The following PRUNE1 variants were observed in gnomAD, a reference collection of about 807,000 sequenced individuals.
PRUNE1 encodes exopolyphosphatase PRUNE1.
In PRUNE1, 25 loss-of-function variants were observed where a neutral mutation model predicts 42.5. The observed-to-expected ratio is 0.59, with a 90% CI of 0.43 to 0.82. PRUNE1 has a LOEUF of 0.82. PRUNE1 is among the 40% of genes least tolerant of loss of function. The pLI, the probability that PRUNE1 is intolerant of heterozygous loss-of-function variation, is 0.00. For missense variants in PRUNE1, 443 were observed against 539.3 expected, an observed-to-expected ratio of 0.82 and a Z score of 1.77; for synonymous variants, 203 against 217.1, an observed-to-expected ratio of 0.93 and a Z score of 0.57.
At chr1:151,010,867 G>A (rs1335608928) in intron 1 of PRUNE1, among the ~76,000 whole-genome samples, 1 of 152,014 alleles carries the variant, frequency 6.6e-6, no homozygotes, top group African/African-American at 2.4e-5. Flanking sequence ...TGTTGGACAG[G>A]CTGGTCTTGA....
intron 6 of PRUNE1, among the ~76,000 whole-genome samples, chr1:151,027,773 TGTGTGTGTGCGC>T (rs1166914642): frequency 2.1e-5 from 3 of 139,646 alleles, no homozygotes; most frequent in African/African-American, 3.2e-5. Context: ...TGTGTGTGTG[TGTGTGTGTGCGC>T]GCGCGTGTAT....
chr1:151,025,823 C>T, intron 5 of PRUNE1, 150 bp downstream of exon 5: 1 of 714,520 alleles, frequency 1.4e-6, no homozygotes, highest in South Asian at 2.2e-5. Flanking sequence ...ACACTGCAAC[C>T]TCGACCTCCT....
intron 1 of PRUNE1, 35 bp downstream of exon 1, chr1:151,008,706 A>C: frequency 1.9e-6 from 3 of 1,611,316 alleles, no homozygotes; most frequent in South Asian, 1.1e-5. Context: ...TAAGGAATGG[A>C]GCACGGGGTC....
At chr1:151,030,770 G>C (rs1001316016) in intron 7 of PRUNE1, among the ~76,000 whole-genome samples, 6 of 152,160 alleles carry the variant, frequency 3.9e-5, no homozygotes, top group African/African-American at 1.2e-4. Context: ...ACAAGCCTGA[G>C]CCACTGCACC....
intron 5 of PRUNE1, among the ~76,000 whole-genome samples, chr1:151,027,025 A>G (rs1377714242): frequency 6.6e-6 from 1 of 151,836 alleles, no homozygotes; most frequent in Non-Finnish European, 1.5e-5. Flanking sequence ...ACCTCAGGTG[A>G]TCCGCCCACC....
intron 1 of PRUNE1, chr1:151,008,892 C>T (rs933973507): frequency 1.4e-6 from 1 of 694,266 alleles, no homozygotes; most frequent in African/African-American, 1.8e-5. Flanking sequence ...GTTTTTGGCT[C>T]CCCGCCTTTG....
chr1:151,014,531 G>A (rs1673981426), intron 1 of PRUNE1, among the ~76,000 whole-genome samples: 1 of 152,332 alleles, frequency 6.6e-6, no homozygotes, highest in African/African-American at 2.4e-5. Context: ...TTTCCAGTGG[G>A]GGAAGAGAAG....
intron 6 of PRUNE1, 55 bp downstream of exon 6, chr1:151,027,382 T>C: frequency 6.8e-6 from 9 of 1,320,710 alleles, no homozygotes; most frequent in African/African-American, 1.5e-5. Flanking sequence ...CTATGCATGT[T>C]ATGCATGTGG....
At chr1:151,025,456 C>G (rs1674768048) in intron 4 of PRUNE1, 59 bp from the exon 5 acceptor site, 11 of 1,523,208 alleles carry the variant, frequency 7.2e-6, no homozygotes, top group Non-Finnish European at 9.9e-6. Context: ...TATATATGTT[C>G]TGGTGGTTGT....
chr1:151,029,043 CTTATA>C, intron 7 of PRUNE1, 99 bp downstream of exon 7: 1 of 1,266,752 alleles, frequency 7.9e-7, no homozygotes, highest in Non-Finnish European at 1.1e-6. Flanking sequence ...CTCTTAGGTT[CTTATA>C]TTAATGTACT....
chr1:151,031,006 TGTCA>T (rs1675206402), intron 7 of PRUNE1, among the ~76,000 whole-genome samples: 1 of 152,156 alleles, frequency 6.6e-6, no homozygotes, highest in African/African-American at 2.4e-5. Flanking sequence ...TTACTAATCC[TGTCA>T]GTAAGAAAAG....
At chr1:151,030,642 TG>T (rs1675187918) in intron 7 of PRUNE1, among the ~76,000 whole-genome samples, 2 of 152,104 alleles carry the variant, frequency 1.3e-5, no homozygotes, top group Admixed American at 1.3e-4. Context: ...CCTGCCACCA[TG>T]CCTGACTAAT....
chr1:151,022,737 A>ATG (rs1189753025), intron 3 of PRUNE1: 11 of 119,634 alleles, frequency 9.2e-5, no homozygotes, highest in African/African-American at 2.8e-4. Flanking sequence ...TTTTAAATAT[A>ATG]TATATTTTTT....
chr1:151,018,637 C>G lies in PRUNE1; in HGVS notation c.303C>G (p.Thr101=), dbSNP rs1674242063. Residue 101 remains threonine, a synonymous_variant, in exon 3 of 8, where the codon ACC becomes ACG. Transcript: ENST00000271620. ...LHALYQAGQL[T]LILVDHHILS... ...CATTATACCAGGCTGGCCAACTCACCCTCATCCTTGTCGACCATCATATCT... is the reference window on the plus strand; with the variant it reads ...CATTATACCAGGCTGGCCAACTCACGCTCATCCTTGTCGACCATCATATCT... 1 of 1,614,004 alleles carries G rather than the reference C, an allele frequency of 6.2e-7. No individual in the cohort carries two copies. The highest frequency in any genetic ancestry group is 8.5e-7 in the Non-Finnish European group (1 of 1,180,028).
At chr1:151,021,388 G>A (rs1000412972) in intron 3 of PRUNE1, among the ~76,000 whole-genome samples, 4 of 152,196 alleles carry the variant, frequency 2.6e-5, no homozygotes, top group African/African-American at 9.6e-5. Flanking sequence ...ATGGGAGCCA[G>A]AGGTTGCGGT....
chr1:151,010,280 C>T (rs1673689562), intron 1 of PRUNE1, among the ~76,000 whole-genome samples: 1 of 151,988 alleles, frequency 6.6e-6, no homozygotes, highest in East Asian at 1.9e-4. Flanking sequence ...GACAGGGTCT[C>T]GCCATGCTGC....
intron 3 of PRUNE1, among the ~76,000 whole-genome samples, chr1:151,021,380 G>A (rs182568499): frequency 1.4e-4 from 22 of 152,248 alleles, no homozygotes; most frequent in African/African-American, 5.3e-4. Context: ...GCTTGAACAT[G>A]GGAGCCAGAG....
intron 7 of PRUNE1, among the ~76,000 whole-genome samples, chr1:151,029,524 C>T (rs184292950): frequency 0.024 from 3,631 of 151,684 alleles, 79 homozygotes; most frequent in Middle Eastern, 0.058. Flanking sequence ...CCCGCCACCA[C>T]GCCCGGCTAA....
rs587608230 is a variant in PRUNE1 at position 151,028,724 on chromosome 1, A to C, written c.775-62A>C. Reference sequence around the variant, plus strand: ...AGGCGTAAGCGACCGTGCCCGGCCCAAGGATGTTTTATTGATGATGATGAG... The same window carrying C: ...AGGCGTAAGCGACCGTGCCCGGCCCCAGGATGTTTTATTGATGATGATGAG... On this transcript the variant is annotated intron_variant, in intron 6 of 7. Transcript: ENST00000271620. The C allele has an allele frequency of 2.6e-6, 4 of 1,562,128 alleles. No individual in the cohort carries two copies. In the East Asian group the frequency reaches 9.0e-5, roughly 35 times the overall value.
Sources: gnomAD v4.1 joint callset for allele counts (sites outside exome capture counted in the v4.1 genomes callset) on GRCh38, gnomAD v4.1.1 for gene constraint, MANE v1.5 for transcripts, NCBI Gene and HGNC (gene_info 2026-07-23, HGNC 2026-07-21) for gene names.